Variants in PARK7 observed in about 807,000 individuals in gnomAD.
PARK7 encodes Parkinsonism associated deglycase.
Under a neutral mutation model 20.5 loss-of-function variants are expected in PARK7, and 14 were observed. That is an observed-to-expected ratio of 0.68 (90% CI 0.45 to 1.07). PARK7 has a LOEUF of 1.07. Among genes scored for constraint, PARK7 ranks in the 50% least tolerant of loss-of-function variants. The pLI is 0.00. For missense variants in PARK7, 234 were observed against 238.1 expected (o/e 0.98, Z 0.11); for synonymous variants, 98 against 84.3 (o/e 1.16, Z -0.89).
intron 4 of PARK7, 97 bp downstream of exon 4, chr1:7,969,501 A>T (rs1342865143): frequency 1.1e-6 from 1 of 903,486 alleles, no homozygotes; most frequent in Non-Finnish European, 1.8e-6. Context: ...TTTTGTTATT[A>T]TTCAAATATT....
Position 7,969,422 on chromosome 1 carries a change from A to G in PARK7, c.252+18A>G, listed in dbSNP as rs147308281. ...TATCTGAGGTAAAAAATTCTACTCA[A>G]TTATACCTCAATAAAGCTGGGGGGG... On this transcript the variant is annotated intron_variant, in intron 4 of 6. Transcript: ENST00000338639. The G allele has an allele frequency of 6.7e-4, 787 of 1,181,026 alleles. 5 individuals are homozygous for G. In the African/African-American group the frequency reaches 9.8e-3, roughly 15 times the overall value. 73.2% of individuals were successfully genotyped at this position (1,181,026 alleles called of 1,614,324 possible). A position where few individuals can be genotyped will look rare whatever the true frequency, so the allele number is the denominator to read the frequency against.
At position 7,984,141 on chromosome 1, in the gene PARK7, G is replaced by T. The variant is rs530743695; in HGVS notation, c.410-753G>T. Among the ~76,000 whole-genome samples the T allele has an allele frequency of 3.9e-5, 6 of 152,232 alleles. No homozygotes were observed. Among genetic ancestry groups the T allele is most frequent in the Middle Eastern group, 3.4e-3 (1 of 294 alleles). ...TCTGGGTGGAGGGAGCAGCCCTTGA[G>T]CTCTTCCTGGAGCAGGAGAGAACGT... On this transcript the variant is annotated intron_variant, in intron 6 of 6. Transcript: ENST00000338639. The surrounding 1 kb of genome is among the most constrained non-coding windows in gnomAD (Gnocchi z 4.3).
At chr1:7,982,305 G>A (rs1242780198) in intron 6 of PARK7, among the ~76,000 whole-genome samples, 5 of 151,922 alleles carry the variant, frequency 3.3e-5, no homozygotes, top group Non-Finnish European at 7.4e-5. Context: ...CTTTTTCTCT[G>A]AAGAGACTTT....
At chr1:7,972,109 T>A (rs143929098) in intron 5 of PARK7, among the ~76,000 whole-genome samples, 1 of 152,166 alleles carries the variant, frequency 6.6e-6, no homozygotes, top group East Asian at 1.9e-4. Context: ...GGGGACTTGA[T>A]ACATTCGAGT....
chr1:7,971,211 C>A, intron 5 of PARK7: 1 of 540,754 alleles, frequency 1.8e-6, no homozygotes. Flanking sequence ...TGGTTGACCT[C>A]GGAGGAAAAT....
intron 5 of PARK7, 81 bp downstream of exon 5, chr1:7,971,044 C>T (rs1016654261): frequency 2.1e-6 from 3 of 1,442,160 alleles, no homozygotes; most frequent in African/African-American, 1.4e-5. Context: ...TTCCAAATAG[C>T]TCTTCCCCTT....
In PARK7 at chr1:7,965,387, A is replaced by G. The variant is rs775909660; in HGVS notation, c.154A>G (p.Ile52Val). ...DPVQCSRDVVICPDASLEDAK... is the reference protein window; with the variant it reads ...DPVQCSRDVVVCPDASLEDAK... ...AGTACAGTGTAGCCGTGATGTGGTC[A>G]TTTGTCCTGATGCCAGCCTTGAAGA... Residue 52 changes from isoleucine to valine, a missense_variant, in exon 3 of 7, where the codon ATT (isoleucine) becomes GTT (valine). Coordinates refer to ENST00000338639, the MANE Select transcript of PARK7 (RefSeq NM_007262.5). 1 of 1,614,204 alleles carries G rather than the reference A, an allele frequency of 6.2e-7. No homozygotes were observed. The highest frequency in any genetic ancestry group is 8.5e-7 in the Non-Finnish European group (1 of 1,180,034).
chr1:7,975,527 TCATC>T (rs1640566344), intron 5 of PARK7, among the ~76,000 whole-genome samples: 1 of 152,218 alleles, frequency 6.6e-6, no homozygotes, highest in African/African-American at 2.4e-5. Context: ...CAGAGCGTTT[TCATC>T]CATCAGAATC....
intron 5 of PARK7, 112 bp downstream of exon 5, chr1:7,971,075 T>C (rs1640456648): frequency 2.6e-6 from 3 of 1,149,388 alleles, no homozygotes; most frequent in African/African-American, 3.0e-5. Context: ...GCAGGGCATC[T>C]GTGTTGGTGT....
At position 7,969,347 on chromosome 1, in the gene PARK7, A is replaced by T. The variant is rs1232551667; in HGVS notation, c.195A>T (p.Gly65=). ...DASLEDAKKE[G]PYDVVVLPGG... is the part of the protein sequence containing the mutation. Reference sequence around the variant, plus strand: ...CTTTATGTTTTAAACTGTTACAGGGACCATATGATGTGGTGGTTCTACCAG... The same window carrying T: ...CTTTATGTTTTAAACTGTTACAGGGTCCATATGATGTGGTGGTTCTACCAG... Residue 65 remains glycine (G), a splice_region_variant and synonymous_variant, in exon 4 of 7, where the codon GGA becomes GGT. Transcript: ENST00000338639. 1 of 1,611,100 alleles carries T rather than the reference A, an allele frequency of 6.2e-7. No homozygotes were observed. The highest frequency in any genetic ancestry group is 1.3e-5 in the African/African-American group (1 of 74,974).
intron 3 of PARK7, 179 bp from the exon 4 acceptor site, chr1:7,969,166 C>T (rs892985918): frequency 3.5e-6 from 2 of 575,168 alleles, no homozygotes; most frequent in Non-Finnish European, 6.1e-6. Flanking sequence ...GCATTTTTTG[C>T]TAGTTAAAAC....
chr1:7,978,466 C>CA (rs1640634706), intron 6 of PARK7, among the ~76,000 whole-genome samples: 1 of 150,260 alleles, frequency 6.7e-6, no homozygotes, highest in Non-Finnish European at 1.5e-5. Flanking sequence ...GATCTCAGCT[C>CA]ACTGCAACCT....
At chr1:7,973,809 G>A (rs1053929618) in intron 5 of PARK7, among the ~76,000 whole-genome samples, 1 of 152,004 alleles carries the variant, frequency 6.6e-6, no homozygotes, top group Non-Finnish European at 1.5e-5. Flanking sequence ...TTGGGAGGCT[G>A]AGGCAGGAGA....
intron 4 of PARK7, among the ~76,000 whole-genome samples, chr1:7,970,050 C>T (rs1019416234): frequency 1.3e-5 from 2 of 152,094 alleles, no homozygotes; most frequent in Non-Finnish European, 2.9e-5. Context: ...TTTTAATTAG[C>T]TGGGCACGGT....
intron 5 of PARK7, among the ~76,000 whole-genome samples, chr1:7,972,922 A>C (rs1640495271): frequency 6.6e-6 from 1 of 152,130 alleles, no homozygotes; most frequent in Non-Finnish European, 1.5e-5. Context: ...ATGGTGATGC[A>C]TTCCTGTAAT....
intron 5 of PARK7, 128 bp from the exon 6 acceptor site, chr1:7,977,524 A>G (rs1640610305): frequency 2.5e-6 from 2 of 786,086 alleles, no homozygotes; most frequent in Non-Finnish European, 4.2e-6. Context: ...GGCTCAAGCA[A>G]TTTTTCTACC....
At chr1:7,969,951 G>A (rs1174245615) in intron 4 of PARK7, among the ~76,000 whole-genome samples, 2 of 152,172 alleles carry the variant, frequency 1.3e-5, no homozygotes, top group African/African-American at 2.4e-5. Context: ...CAGTGGTTTG[G>A]GAGGCTGAGA....
chr1:7,972,516 G>A (rs7516775), intron 5 of PARK7, among the ~76,000 whole-genome samples: 7,320 of 152,196 alleles, frequency 0.048, 566 homozygotes, highest in African/African-American at 0.17. Context: ...TGACATCAGA[G>A]TAGGATGATA....
chr1:7,969,233 G>T, intron 3 of PARK7, 112 bp from the exon 4 acceptor site: 1 of 815,350 alleles, frequency 1.2e-6, no homozygotes, highest in Non-Finnish European at 2.0e-6. Context: ...TGGCAGATAG[G>T]CTATCTCCTG....
Sources: gnomAD v4.1 joint callset for allele counts (sites outside exome capture counted in the v4.1 genomes callset) on GRCh38, gnomAD v4.1.1 for gene constraint, Gnocchi (gnomAD v3.1) non-coding constraint, MANE v1.5 for transcripts, NCBI Gene and HGNC (gene_info 2026-07-23, HGNC 2026-07-21) for gene names.